The following COL27A1 variants were observed in gnomAD, a reference collection of about 807,000 sequenced individuals.
The protein encoded by COL27A1 is collagen alpha-1(XXVII) chain.
A neutral mutation model predicts 251.3 loss-of-function variants in COL27A1; 106 were observed. The observed-to-expected ratio is 0.42, with a 90% confidence interval of 0.36 to 0.50. The LOEUF (loss-of-function observed/expected upper bound fraction) is 0.50. Among genes scored for constraint, COL27A1 ranks in the 20% least tolerant of loss-of-function variants. COL27A1 has a pLI of 0.00. For missense variants in COL27A1, 2,325 were observed against 2,522.8 expected, an observed-to-expected ratio of 0.92 and a Z score of 1.68; for synonymous variants, 1,000 against 986.3, an observed-to-expected ratio of 1.01 and a Z score of -0.26.
chr9:114,266,480 T>C (rs1588825595), intron 32 of COL27A1, 85 bp from the exon 33 acceptor site: 2 of 1,165,008 alleles, frequency 1.7e-6, no homozygotes, highest in East Asian at 2.4e-5. Flanking sequence ...GTTCTGGGGG[T>C]CAGCTCCCTC....
intron 58 of COL27A1, 49 bp downstream of exon 58, chr9:114,306,737 G>A (rs1808673777): frequency 6.3e-7 from 1 of 1,591,090 alleles, no homozygotes; most frequent in African/African-American, 1.4e-5. Flanking sequence ...GTGGGGAGCT[G>A]GGGCAGGTGG....
intron 49 of COL27A1, among the ~76,000 whole-genome samples, chr9:114,295,743 C>T (rs917227431): frequency 5.9e-5 from 9 of 152,096 alleles, no homozygotes; most frequent in East Asian, 3.8e-4. Flanking sequence ...CCGCAACCTC[C>T]GCCTCCAGGA....
chr9:114,252,723 G>C, intron 26 of COL27A1, 77 bp downstream of exon 26: 1 of 1,450,306 alleles, frequency 6.9e-7, no homozygotes, highest in Non-Finnish European at 9.7e-7. Context: ...TCCATGAACC[G>C]CTTACCCCAG....
At chr9:114,180,135 T>C (rs4979349) in intron 4 of COL27A1, among the ~76,000 whole-genome samples, 113,153 of 151,962 alleles carry the variant, frequency 0.74, 42,620 homozygotes, top group East Asian at 0.97. Flanking sequence ...CCACTGCGCC[T>C]AGCCCAGAGC....
At chr9:114,211,829 G>A (rs758245479) in intron 12 of COL27A1, among the ~76,000 whole-genome samples, 1 of 152,164 alleles carries the variant, frequency 6.6e-6, no homozygotes. Context: ...ATTGAGAAGC[G>A]GGAAACTGAG....
chr9:114,243,413 C>A, intron 22 of COL27A1, 94 bp from the exon 23 acceptor site: 1 of 997,798 alleles, frequency 1.0e-6, no homozygotes, highest in Non-Finnish European at 1.6e-6. Context: ...CTCTCTACAG[C>A]TGTGGATACC....
chr9:114,300,209 G>C, intron 50 of COL27A1, 86 bp downstream of exon 50: 2 of 1,386,082 alleles, frequency 1.4e-6, no homozygotes, highest in Non-Finnish European at 2.0e-6. Context: ...AATATTTATG[G>C]AGCACTGAAA....
chr9:114,254,851 CTGG>C (rs1181466947), intron 27 of COL27A1, among the ~76,000 whole-genome samples: 1 of 152,228 alleles, frequency 6.6e-6, no homozygotes, highest in Non-Finnish European at 1.5e-5. Context: ...CTCTCACTGT[CTGG>C]TGGGGCTGTC....
intron 21 of COL27A1, among the ~76,000 whole-genome samples, chr9:114,241,691 A>C (rs750803979): frequency 2.6e-5 from 4 of 152,210 alleles, no homozygotes; most frequent in Non-Finnish European, 2.9e-5. Context: ...AACACCCCTT[A>C]GACACGGCAC....
At chr9:114,172,735 G>T (rs1849410094) in intron 3 of COL27A1, among the ~76,000 whole-genome samples, 1 of 152,124 alleles carries the variant, frequency 6.6e-6, no homozygotes, top group Non-Finnish European at 1.5e-5. Flanking sequence ...TGGAGGTTGT[G>T]ATGAGCCGAG....
chr9:114,248,510 A>G (rs1833299932), intron 24 of COL27A1, among the ~76,000 whole-genome samples: 1 of 152,216 alleles, frequency 6.6e-6, no homozygotes, highest in Non-Finnish European at 1.5e-5. Context: ...CGCTGTGGGT[A>G]ACAATGCTGC....
chr9:114,275,812 C>G lies in COL27A1; in HGVS notation c.3717+44C>G, dbSNP rs1272043457. On this transcript the variant is annotated intron_variant, in intron 37 of 60. Transcript: ENST00000356083. Reference sequence around the variant, plus strand: ...TGCAGCGCCTGGAGCTCTGGGGTACCCTGAACTCTCATGCCTGTGCAGGCG... The same window carrying G: ...TGCAGCGCCTGGAGCTCTGGGGTACGCTGAACTCTCATGCCTGTGCAGGCG... The G allele has an allele frequency of 3.0e-6, 4 of 1,328,888 alleles. No individual in the cohort carries two copies. The East Asian group carries it at 1.0e-4, about 34-fold the overall frequency. 82.3% of individuals were successfully genotyped at this position (1,328,888 alleles called of 1,614,324 possible).
At chr9:114,238,939 G>T (rs1466856227) in intron 19 of COL27A1, among the ~76,000 whole-genome samples, 2 of 152,190 alleles carry the variant, frequency 1.3e-5, no homozygotes. Context: ...CTTCCTCAGG[G>T]TTGCTCTGCT....
In COL27A1 at chr9:114,288,453, A is replaced by T; in HGVS notation, c.3988-2A>T. On this transcript the variant is annotated splice_acceptor_variant, in intron 41 of 60. Coordinates refer to ENST00000356083, the MANE Select transcript of COL27A1 (RefSeq NM_032888.4). LOFTEE classifies it high-confidence loss of function. ...GCCCTAAAGCTGGTTCTGTGTCCACAGGGGGAGCAGGGCGAGGACGGCAAG... is the reference window on the plus strand; with the variant it reads ...GCCCTAAAGCTGGTTCTGTGTCCACTGGGGGAGCAGGGCGAGGACGGCAAG... The T allele has an allele frequency of 6.2e-7, 1 of 1,609,788 alleles. No individual in the cohort carries two copies.
At chr9:114,241,361 C>T (rs1245667588) in intron 21 of COL27A1, among the ~76,000 whole-genome samples, 2 of 152,242 alleles carry the variant, frequency 1.3e-5, no homozygotes, top group Admixed American at 6.5e-5. Flanking sequence ...CTGGGTCTGG[C>T]GGGGTCCCAG....
chr9:114,213,570 A>G (rs1414519598), intron 12 of COL27A1, among the ~76,000 whole-genome samples: 1 of 152,244 alleles, frequency 6.6e-6, no homozygotes, highest in Non-Finnish European at 1.5e-5. Flanking sequence ...GTTGTCATGA[A>G]GCTCAAATTT....
At chr9:114,226,134 A>G (rs899605869) in intron 14 of COL27A1, among the ~76,000 whole-genome samples, 2 of 152,210 alleles carry the variant, frequency 1.3e-5, no homozygotes, top group Non-Finnish European at 2.9e-5. Flanking sequence ...CTTTTTATTC[A>G]GAGTGACACA....
chr9:114,302,251 T>G (rs1828701037), intron 56 of COL27A1, 143 bp downstream of exon 56: 2 of 695,154 alleles, frequency 2.9e-6, no homozygotes, highest in African/African-American at 3.6e-5. Flanking sequence ...CACTTCATAC[T>G]GGAGACTTGG....
chr9:114,261,826 C>T (rs1834361935), intron 28 of COL27A1, among the ~76,000 whole-genome samples: 1 of 152,190 alleles, frequency 6.6e-6, no homozygotes, highest in Non-Finnish European at 1.5e-5. Context: ...GCTGTGTGAC[C>T]ATAGGCAAGT....
Sources: gnomAD v4.1 joint callset for allele counts (sites outside exome capture counted in the v4.1 genomes callset) on GRCh38, gnomAD v4.1.1 for gene constraint, MANE v1.5 for transcripts, NCBI Gene and HGNC (gene_info 2026-07-23, HGNC 2026-07-21) for gene names.